ARSJ: variants seen among roughly 807,000 people sequenced by gnomAD.
ARSJ encodes arylsulfatase J.
ARSJ carries 26 observed loss-of-function variants against 35.9 expected under a neutral mutation model. The observed-to-expected ratio is 0.72, with a 90% confidence interval of 0.53 to 1.00. The LOEUF is 1.00. Ranked by LOEUF, ARSJ falls within the 50% of genes least tolerant of loss-of-function variation. The pLI is 0.00. For missense variants in ARSJ, 667 were observed against 723.6 expected, an observed-to-expected ratio of 0.92 and a Z score of 0.90; for synonymous variants, 294 against 267.6, an observed-to-expected ratio of 1.10 and a Z score of -0.96.
At chr4:113,961,050 G>A (rs900107301) in intron 1 of ARSJ, among the ~76,000 whole-genome samples, 8 of 151,988 alleles carry the variant, frequency 5.3e-5, no homozygotes, top group East Asian at 1.9e-4. Context: ...CATAGGTAAC[G>A]TGAACTGGGC....
At chr4:113,972,112 T>A (rs1210049203) in intron 1 of ARSJ, among the ~76,000 whole-genome samples, 1 of 152,070 alleles carries the variant, frequency 6.6e-6, no homozygotes, top group Non-Finnish European at 1.5e-5. Context: ...GACAGGCCAC[T>A]ACCATCCACA....
intron 1 of ARSJ, among the ~76,000 whole-genome samples, chr4:113,922,271 T>C (rs953478662): frequency 2.6e-5 from 4 of 152,190 alleles, no homozygotes; most frequent in Non-Finnish European, 5.9e-5. Context: ...TCAAATATTG[T>C]TATTCAATTT....
chr4:113,938,053 G>A (rs1008572971), intron 1 of ARSJ, among the ~76,000 whole-genome samples: 1 of 151,820 alleles, frequency 6.6e-6, no homozygotes, highest in African/African-American at 2.4e-5. Flanking sequence ...AATTCATATG[G>A]AACCAAAAAA....
intron 1 of ARSJ, among the ~76,000 whole-genome samples, chr4:113,916,089 T>C (rs1426074484): frequency 6.6e-6 from 1 of 152,220 alleles, no homozygotes; most frequent in Non-Finnish European, 1.5e-5. Context: ...GGGTGTTTCC[T>C]GGGTGGTATG....
intron 1 of ARSJ, among the ~76,000 whole-genome samples, chr4:113,907,677 G>T (rs2099669177): frequency 1.3e-5 from 2 of 151,974 alleles, no homozygotes; most frequent in African/African-American, 4.8e-5. Flanking sequence ...AGCAAGACCT[G>T]GAATCAACCT....
intron 1 of ARSJ, among the ~76,000 whole-genome samples, chr4:113,961,893 CTCTCTGTGTGTG>C (rs1460064055): frequency 3.3e-5 from 4 of 122,464 alleles, no homozygotes; most frequent in African/African-American, 1.6e-4. Context: ...CTCTCTCTCT[CTCTCTGTGTGTG>C]TGTGTGTGTG....
At chr4:113,939,133 T>TTCCCATC (rs759901167) in intron 1 of ARSJ, among the ~76,000 whole-genome samples, 147 of 144,512 alleles carry the variant, frequency 1.0e-3, no homozygotes, top group Non-Finnish European at 1.7e-3. Context: ...CATTGTTCAA[T>TTCCCATC]TCCCATCTAT....
intron 1 of ARSJ, among the ~76,000 whole-genome samples, chr4:113,947,773 T>G (rs1442629907): frequency 1.3e-5 from 2 of 152,194 alleles, no homozygotes; most frequent in Admixed American, 6.5e-5. Flanking sequence ...TTTTGTTCAT[T>G]AAGCTTGAGA....
chr4:113,936,417 T>C (rs1212051121), intron 1 of ARSJ, among the ~76,000 whole-genome samples: 1 of 151,876 alleles, frequency 6.6e-6, no homozygotes, highest in Non-Finnish European at 1.5e-5. Flanking sequence ...TTCATATTCA[T>C]AAAATGAAGA....
chr4:113,955,598 A>C (rs1348539187), intron 1 of ARSJ, among the ~76,000 whole-genome samples: 2 of 152,082 alleles, frequency 1.3e-5, no homozygotes, highest in African/African-American at 4.8e-5. Context: ...AATAAATACC[A>C]TGCACATAAT....
At chr4:113,955,089 T>A (rs1726092732) in intron 1 of ARSJ, among the ~76,000 whole-genome samples, 1 of 150,952 alleles carries the variant, frequency 6.6e-6, no homozygotes, top group African/African-American at 2.4e-5. Flanking sequence ...ATTGGAGAAA[T>A]CTGAGAAAAG....
chr4:113,910,864 A>G (rs1323167611), intron 1 of ARSJ, among the ~76,000 whole-genome samples: 1 of 152,140 alleles, frequency 6.6e-6, no homozygotes, highest in African/African-American at 2.4e-5. Context: ...CCATTAGAGG[A>G]TTATTATGAC....
At chr4:113,929,408 G>A (rs1383288837) in intron 1 of ARSJ, among the ~76,000 whole-genome samples, 1 of 152,126 alleles carries the variant, frequency 6.6e-6, no homozygotes, top group African/African-American at 2.4e-5. Context: ...GACAAAGGTG[G>A]AAAGGCTGAT....
At chr4:113,963,398 C>T (rs1726686543) in intron 1 of ARSJ, among the ~76,000 whole-genome samples, 1 of 151,952 alleles carries the variant, frequency 6.6e-6, no homozygotes, top group South Asian at 2.1e-4. Flanking sequence ...GGGAAGCAAA[C>T]ATGTCCTTCT....
At chr4:113,956,652 A>G (rs978198307) in intron 1 of ARSJ, among the ~76,000 whole-genome samples, 3 of 152,100 alleles carry the variant, frequency 2.0e-5, no homozygotes, top group Admixed American at 6.6e-5. Context: ...TGAAGGATAA[A>G]TTGTATCTTC....
chr4:113,914,055 C>T (rs570544963), intron 1 of ARSJ, among the ~76,000 whole-genome samples: 1 of 152,094 alleles, frequency 6.6e-6, no homozygotes, highest in African/African-American at 2.4e-5. Flanking sequence ...CTCACTGCAA[C>T]CTCTGCCTCC....
chr4:113,925,126 T>G (rs537412025), intron 1 of ARSJ, among the ~76,000 whole-genome samples: 37 of 152,228 alleles, frequency 2.4e-4, no homozygotes, highest in African/African-American at 7.5e-4. Flanking sequence ...CACCTTGATA[T>G]TCCGGGTCAA....
intron 1 of ARSJ, among the ~76,000 whole-genome samples, chr4:113,924,540 T>A (rs1723932220): frequency 6.6e-6 from 1 of 151,944 alleles, no homozygotes; most frequent in African/African-American, 2.4e-5. Context: ...CATACACATC[T>A]CCTGAGATGA....
chr4:113,940,805 AT>A (rs1303889798), intron 1 of ARSJ, among the ~76,000 whole-genome samples: 10 of 151,600 alleles, frequency 6.6e-5, no homozygotes, highest in East Asian at 5.9e-4. Context: ...AAATAAGATA[AT>A]TTTTTTTTCA....
Sources: gnomAD v4.1 joint callset for allele counts (sites outside exome capture counted in the v4.1 genomes callset) on GRCh38, gnomAD v4.1.1 for gene constraint, MANE v1.5 for transcripts, NCBI Gene and HGNC (gene_info 2026-07-23, HGNC 2026-07-21) for gene names.